Variants in EMX1 observed in about 807,000 individuals in gnomAD.
EMX1 encodes empty spiracles homeobox 1.
In EMX1, 10 loss-of-function variants were observed where a neutral mutation model predicts 20.1. The observed-to-expected ratio is 0.50, with a 90% CI of 0.31 to 0.84. The LOEUF is 0.84. EMX1 is among the 40% of genes least tolerant of loss of function. The probability of loss-of-function intolerance (pLI) is 0.05; values close to 1 mark genes in which losing one functional copy is unlikely to be tolerated. For synonymous variants in EMX1, 250 were observed against 200.4 expected (o/e 1.25, Z -2.09); for missense variants, 424 against 431.9 (o/e 0.98, Z 0.16).
intron 1 of EMX1, among the ~76,000 whole-genome samples, chr2:72,922,319 A>G (rs902009370): frequency 5.9e-5 from 9 of 152,216 alleles, no homozygotes; most frequent in Non-Finnish European, 1.0e-4. Flanking sequence ...CCCACCCCAG[A>G]GACTTTAATC....
intron 2 of EMX1, chr2:72,926,468 T>A (rs1209513749): frequency 3.3e-6 from 1 of 305,216 alleles, no homozygotes; most frequent in South Asian, 1.3e-4. Context: ...ACAAAAAGAA[T>A]GAGGGGAGGT....
At chr2:72,920,207 G>C (rs1391641901) in intron 1 of EMX1, among the ~76,000 whole-genome samples, 2 of 152,164 alleles carry the variant, frequency 1.3e-5, no homozygotes, top group Non-Finnish European at 1.5e-5. Flanking sequence ...GAGAAATCCA[G>C]CTCCGGCTCT....
At position 72,924,469 on chromosome 2, in the gene EMX1, C is replaced by A; in HGVS notation, c.681C>A (p.Gly227=). The A allele has an allele frequency of 9.4e-6, 15 of 1,591,958 alleles. No homozygotes were observed. Among genetic ancestry groups the A allele is most frequent in the Non-Finnish European group, 1.3e-5 (15 of 1,173,396 alleles). ...VVGAERKQLA[G]SLSLSETQVK... is the part of the protein sequence containing the mutation. ...GCGCCGAGCGGAAGCAGCTGGCCGGCAGTCTCAGCCTCTCCGAGACGCAGG... is the reference window on the plus strand; with the variant it reads ...GCGCCGAGCGGAAGCAGCTGGCCGGAAGTCTCAGCCTCTCCGAGACGCAGG... Residue 227 remains glycine, a synonymous_variant, in exon 2 of 3, where the codon GGC becomes GGA. Coordinates refer to ENST00000258106, the MANE Select transcript of EMX1 (RefSeq NM_004097.3).
At chr2:72,926,069 A>G (rs965085061) in intron 2 of EMX1, 5 of 983,758 alleles carry the variant, frequency 5.1e-6, no homozygotes, top group African/African-American at 1.7e-5. Context: ...GGTGTTTATA[A>G]TTAACTTCAT....
chr2:72,928,416 A>G (rs533412561), intron 2 of EMX1, among the ~76,000 whole-genome samples: 1 of 152,370 alleles, frequency 6.6e-6, no homozygotes, highest in East Asian at 1.9e-4. Context: ...CAAAGGTCAG[A>G]TGATAGCATA....
chr2:72,933,142 G>T (rs549482021), intron 2 of EMX1: 1 of 152,402 alleles, frequency 6.6e-6, no homozygotes, highest in East Asian at 1.9e-4. Context: ...TCCCCTGAAG[G>T]AGACCACACA....
At chr2:72,916,719 C>T, upstream of EMX1, 2 of 717,404 alleles carry the variant, frequency 2.8e-6, no homozygotes, top group South Asian at 1.5e-5. Flanking sequence ...TCAATTTAAG[C>T]CACAGTGTCT....
chr2:72,916,637 G>A (rs1400194006), upstream of EMX1: 9 of 700,984 alleles, frequency 1.3e-5, no homozygotes, highest in South Asian at 1.4e-4. Context: ...GGTCGAGGGA[G>A]GTCAGGCTGC....
chr2:72,916,811 C>T (rs541395941), upstream of EMX1: 854 of 717,282 alleles, frequency 1.2e-3, 8 homozygotes, highest in African/African-American at 0.013. Flanking sequence ...TCTCCCAGTG[C>T]CGAGGCCCGC....
At chr2:72,916,263 T>G, upstream of EMX1, 1 of 189,244 alleles carries the variant, frequency 5.3e-6, no homozygotes, top group African/African-American at 2.4e-5. Context: ...CCCCGCAGAG[T>G]TGCGCGGCGC....
Position 72,934,222 on chromosome 2 carries a change from GT to G in EMX1, c.*269del. On this transcript the variant is annotated 3_prime_UTR_variant, in exon 3 of 3. Coordinates refer to ENST00000258106, the MANE Select transcript of EMX1 (RefSeq NM_004097.3). ...CACCGCAGCCTCCCAGCTGCTCTCCGTGTCTCCAATCTCCCTTTTGTTTTGA... is the reference window on the plus strand; with the variant it reads ...CACCGCAGCCTCCCAGCTGCTCTCCGGTCTCCAATCTCCCTTTTGTTTTGA... The G allele has an allele frequency of 2.0e-6, 1 of 490,616 alleles. No individual in the cohort carries two copies. Among genetic ancestry groups the G allele is most frequent in the East Asian group, 3.3e-5 (1 of 29,858 alleles). 30.4% of individuals were successfully genotyped at this position (490,616 alleles called of 1,614,324 possible). A position where few individuals can be genotyped will look rare whatever the true frequency, so the allele number is the denominator to read the frequency against.
intron 2 of EMX1, among the ~76,000 whole-genome samples, chr2:72,924,796 A>C (rs935324638): frequency 1.3e-5 from 2 of 152,140 alleles, no homozygotes; most frequent in African/African-American, 2.4e-5. Context: ...GGTTCCCTGG[A>C]GGAAGCGGGT....
chr2:72,924,142 C>A (rs1464627206), intron 1 of EMX1, 167 bp from the exon 2 acceptor site: 5 of 823,790 alleles, frequency 6.1e-6, no homozygotes, highest in Middle Eastern at 4.5e-4. Context: ...AGGGAAGGGG[C>A]GGCAAAAGGG....
chr2:72,922,574 T>A (rs971806475), intron 1 of EMX1, among the ~76,000 whole-genome samples: 3 of 152,136 alleles, frequency 2.0e-5, no homozygotes, highest in Non-Finnish European at 4.4e-5. Context: ...ATTGATAAGG[T>A]GACTGGAGAT....
intron 1 of EMX1, chr2:72,924,019 C>A (rs1187828012): frequency 1.9e-6 from 1 of 532,184 alleles, no homozygotes; most frequent in African/African-American, 2.7e-5. Context: ...ACGCCTCGTC[C>A]GGCCTGCCCC....
intron 2 of EMX1, among the ~76,000 whole-genome samples, chr2:72,929,109 C>A (rs1559061161): frequency 6.6e-6 from 1 of 152,160 alleles, no homozygotes. Flanking sequence ...TCCAAGTGAC[C>A]TGAATTTTAG....
chr2:72,928,690 G>A (rs1671241451), intron 2 of EMX1, among the ~76,000 whole-genome samples: 1 of 152,236 alleles, frequency 6.6e-6, no homozygotes, highest in South Asian at 2.1e-4. Flanking sequence ...AACGTGGCCT[G>A]TGGCTTTGAA....
rs770230662 is a variant in EMX1 at position 72,917,939 on chromosome 2, C to T, written c.87C>T (p.Pro29=). Reference sequence around the variant, plus strand: ...GAGCCCGGCTGCCTCGCACAGCTCCCGCGGCTGCGACCATGTTCCAGCCCG... The same window carrying T: ...GAGCCCGGCTGCCTCGCACAGCTCCTGCGGCTGCGACCATGTTCCAGCCCG... ...LPRARLPRTA[P]AAATMFQPAA... Residue 29 remains proline, a synonymous_variant, in exon 1 of 3, where the codon CCC becomes CCT. Coordinates refer to ENST00000258106, the MANE Select transcript of EMX1 (RefSeq NM_004097.3). 8 of 1,486,048 alleles carry T rather than the reference C, an allele frequency of 5.4e-6. No individual in the cohort carries two copies. The South Asian group carries it at 8.8e-5, about 16-fold the overall frequency. The allele number at this position is 1,486,048 out of a possible 1,614,324, so 92.1% of individuals were successfully genotyped here.
At chr2:72,924,242 C>T (rs922489401) in intron 1 of EMX1, 67 bp from the exon 2 acceptor site, 10 of 1,529,476 alleles carry the variant, frequency 6.5e-6, no homozygotes, top group South Asian at 1.2e-5. Flanking sequence ...TCTGTTGGGC[C>T]CCGGCTCACG....
Sources: gnomAD v4.1 joint callset for allele counts (sites outside exome capture counted in the v4.1 genomes callset) on GRCh38, gnomAD v4.1.1 for gene constraint, MANE v1.5 for transcripts, NCBI Gene and HGNC (gene_info 2026-07-23, HGNC 2026-07-21) for gene names.